GRIA2: variants seen among roughly 807,000 people sequenced by gnomAD.
GRIA2 encodes the protein glutamate receptor 2.
A neutral mutation model predicts 97.3 loss-of-function variants in GRIA2; 14 were observed. The ratio of observed to expected loss-of-function variants is 0.14; its 90% CI spans 0.10 to 0.23. The LOEUF is 0.23. GRIA2 is among the 10% of genes least tolerant of loss of function. The pLI is 1.00. For missense variants in GRIA2, 558 were observed against 1,069.8 expected (o/e 0.52, Z 6.67); for synonymous variants, 412 against 387.8 (o/e 1.06, Z -0.73).
chr4:157,245,726 T>C (rs1730703324), intron 2 of GRIA2, among the ~76,000 whole-genome samples: 1 of 152,132 alleles, frequency 6.6e-6, no homozygotes, highest in African/African-American at 2.4e-5. Flanking sequence ...TGATAATCTT[T>C]ATCACAAAAT....
Position 157,366,008 on chromosome 4 carries a change from C to A in GRIA2, c.*2577C>A, listed in dbSNP as rs1168163802. 1 of 151,384 alleles carries A rather than the reference C, an allele frequency of 6.6e-6. No individual in the cohort carries two copies. Among genetic ancestry groups the A allele is most frequent in the Non-Finnish European group, 1.5e-5 (1 of 67,542 alleles). 9.4% of individuals were successfully genotyped at this position (151,384 alleles called of 1,614,324 possible). A position where few individuals can be genotyped will look rare whatever the true frequency, so the allele number is the denominator to read the frequency against. On this transcript the variant is annotated 3_prime_UTR_variant, in exon 16 of 16. Coordinates refer to ENST00000264426, the MANE Select transcript of GRIA2 (RefSeq NM_001083619.3). ...TCGATTTTATTTTTAAATCTAACAT[C>A]GGATGGCTTTTCCGGAGTGTTGTAA...
In GRIA2 at chr4:157,335,782, A is replaced by C; in HGVS notation, c.1378A>C (p.Lys460Gln). The C allele has an allele frequency of 6.2e-7, 1 of 1,612,942 alleles. No homozygotes were observed. The highest frequency in any genetic ancestry group is 8.5e-7 in the Non-Finnish European group (1 of 1,179,254). ...AAEIAKHCGFKYKLTIVGDGK... is the reference protein window; with the variant it reads ...AAEIAKHCGFQYKLTIVGDGK... ...AGAAATCGCCAAACATTGTGGGTTC[A>C]AGTACAAGTTGACAATTGTTGGTGA... The change falls in exon 10 of 16, where the codon AAG becomes CAG. Residue 460 changes from lysine (K) to glutamine (Q), a missense_variant. Around this residue, in one of 8 missense-constraint regions of GRIA2, gnomAD observed 41 missense variants for 102.2 expected, o/e 0.40. Coordinates refer to ENST00000264426, the MANE Select transcript of GRIA2 (RefSeq NM_001083619.3).
At chr4:157,298,221 A>G (rs1161100705) in intron 2 of GRIA2, among the ~76,000 whole-genome samples, 1 of 152,128 alleles carries the variant, frequency 6.6e-6, no homozygotes, top group Non-Finnish European at 1.5e-5. Flanking sequence ...ATGCTTAAGA[A>G]GTACTGTTAT....
intron 6 of GRIA2, among the ~76,000 whole-genome samples, chr4:157,323,487 A>G (rs1354340994): frequency 6.6e-6 from 1 of 151,918 alleles, no homozygotes; most frequent in Non-Finnish European, 1.5e-5. Flanking sequence ...GAAGGGGTCT[A>G]ACTGCCGATC....
chr4:157,276,390 A>C (rs1244964951), intron 2 of GRIA2, among the ~76,000 whole-genome samples: 2 of 152,100 alleles, frequency 1.3e-5, no homozygotes, highest in South Asian at 2.1e-4. Flanking sequence ...AAGTGCTTGG[A>C]GGGAAATTTA....
At chr4:157,225,324 T>A (rs1241195243) in intron 2 of GRIA2, among the ~76,000 whole-genome samples, 1 of 152,026 alleles carries the variant, frequency 6.6e-6, no homozygotes, top group Non-Finnish European at 1.5e-5. Flanking sequence ...TCATTTTTTC[T>A]CCATCATTCC....
chr4:157,292,754 A>G lies in GRIA2; in HGVS notation c.230-10798A>G, dbSNP rs750138188. Among the ~76,000 whole-genome samples, 7 of 152,246 alleles carry G rather than the reference A, an allele frequency of 4.6e-5. No individual in the cohort carries two copies. In the South Asian group the frequency reaches 1.4e-3, roughly 32 times the overall value. Reference sequence around the variant, plus strand: ...TGATGGGAATCCAATTTTCCTGTTTATCAGTGAGGTGGCTGATGAAACCAG... The same window carrying G: ...TGATGGGAATCCAATTTTCCTGTTTGTCAGTGAGGTGGCTGATGAAACCAG... On this transcript the variant is annotated intron_variant, in intron 2 of 15. Transcript: ENST00000264426.
Position 157,321,458 on chromosome 4 carries a change from A to G in GRIA2, c.741A>G (p.Leu247=), listed in dbSNP as rs780784089. The change falls in exon 6 of 16, where the codon CTA becomes CTG. Residue 247 remains leucine, a synonymous_variant. Transcript: ENST00000264426. ...TTTAGGGATTTACTGATGGAGACCT[A>G]TTAAAAATCCAGTTTGGAGGTGCAA... ...IANLGFTDGD[L]LKIQFGGANV... 5 of 1,611,104 alleles carry G rather than the reference A, an allele frequency of 3.1e-6. No individual in the cohort carries two copies. Among genetic ancestry groups the G allele is most frequent in the Non-Finnish European group, 4.2e-6 (5 of 1,177,934 alleles).
chr4:157,355,880 T>C (rs1736274638), intron 12 of GRIA2, among the ~76,000 whole-genome samples: 1 of 81,076 alleles, frequency 1.2e-5, no homozygotes, highest in Non-Finnish European at 2.0e-5. Flanking sequence ...CATATTTATA[T>C]ATATTAATAT....
chr4:157,285,174 G>A (rs1560747197), intron 2 of GRIA2, among the ~76,000 whole-genome samples: 1 of 150,946 alleles, frequency 6.6e-6, no homozygotes, highest in African/African-American at 2.4e-5. Flanking sequence ...GTGTAGATGA[G>A]CATCTTCTAA....
intron 2 of GRIA2, among the ~76,000 whole-genome samples, chr4:157,269,269 G>T (rs1181396390): frequency 1.3e-5 from 2 of 152,036 alleles, no homozygotes; most frequent in East Asian, 3.9e-4. Context: ...TTGGAGGAAA[G>T]AGAAAGATGA....
chr4:157,274,427 T>C (rs930900670), intron 2 of GRIA2, among the ~76,000 whole-genome samples: 1 of 151,988 alleles, frequency 6.6e-6, no homozygotes, highest in African/African-American at 2.4e-5. Context: ...GCAGGTTTGT[T>C]ACATATGTAT....
chr4:157,266,517 G>A (rs187706290), intron 2 of GRIA2, among the ~76,000 whole-genome samples: 1 of 152,172 alleles, frequency 6.6e-6, no homozygotes, highest in East Asian at 1.9e-4. Flanking sequence ...GAATGCTGCT[G>A]AGAGGTCAGT....
chr4:157,329,100 G>A (rs942341950), intron 6 of GRIA2, among the ~76,000 whole-genome samples: 2 of 151,972 alleles, frequency 1.3e-5, no homozygotes, highest in Admixed American at 1.3e-4. Flanking sequence ...ATTAAGACAA[G>A]TGAATAATTT....
At chr4:157,253,384 T>C (rs62331524) in intron 2 of GRIA2, among the ~76,000 whole-genome samples, 3 of 152,166 alleles carry the variant, frequency 2.0e-5, no homozygotes, top group Non-Finnish European at 4.4e-5. Context: ...CCCGAAGTGC[T>C]GGGATTACAG....
At chr4:157,355,704 TTGTATATATTTA>T (rs1736242673) in intron 12 of GRIA2, among the ~76,000 whole-genome samples, 3 of 112,948 alleles carry the variant, frequency 2.7e-5, no homozygotes, top group African/African-American at 1.0e-4. Context: ...TTATATATAT[TTGTATATATTTA>T]TTTATATATT....
chr4:157,248,423 C>T (rs1416503909), intron 2 of GRIA2, among the ~76,000 whole-genome samples: 3 of 148,878 alleles, frequency 2.0e-5, no homozygotes, highest in Admixed American at 6.7e-5. Flanking sequence ...AAAAATTAGG[C>T]CGGTGTGGTG....
intron 14 of GRIA2, chr4:157,362,434 A>T (rs766491537): frequency 6.9e-5 from 32 of 463,340 alleles, no homozygotes; most frequent in Admixed American, 3.5e-4. Context: ...CAGCTTTACC[A>T]GATTATTTAT....
chr4:157,330,719 A>G (rs1400153576), intron 6 of GRIA2, among the ~76,000 whole-genome samples: 1 of 152,008 alleles, frequency 6.6e-6, no homozygotes, highest in Non-Finnish European at 1.5e-5. Context: ...AGTAAAAAGC[A>G]CATTTGGAAA....
Sources: gnomAD v4.1 joint callset for allele counts (sites outside exome capture counted in the v4.1 genomes callset) on GRCh38, gnomAD v4.1.1 for gene constraint, gnomAD v4.1.1 regional missense constraint, MANE v1.5 for transcripts, NCBI Gene and HGNC (gene_info 2026-07-23, HGNC 2026-07-21) for gene names.